Variants in ESRRG observed in about 807,000 individuals in gnomAD.
The protein encoded by ESRRG is estrogen-related receptor gamma.
In ESRRG, 13 loss-of-function variants were observed where a neutral mutation model predicts 44.0. The ratio of observed to expected loss-of-function variants is 0.30; its 90% CI spans 0.19 to 0.47. The LOEUF is 0.47. ESRRG is among the 20% of genes least tolerant of loss of function. ESRRG has a pLI of 1.00. For synonymous variants in ESRRG, 215 were observed against 214.6 expected (o/e 1.00, Z -0.02); for missense variants, 395 against 580.6 (o/e 0.68, Z 3.29).
intron 2 of ESRRG, among the ~76,000 whole-genome samples, chr1:216,831,463 T>C (rs955857462): frequency 2.8e-5 from 4 of 145,264 alleles, no homozygotes; most frequent in Non-Finnish European, 4.5e-5. Context: ...CAAAGGTTTT[T>C]CAGCCTCTCA....
intron 6 of ESRRG, among the ~76,000 whole-genome samples, chr1:216,514,763 T>C (rs1165373099): frequency 6.6e-6 from 1 of 152,172 alleles, no homozygotes. Context: ...GAAATAGTAC[T>C]GGACATGCCT....
chr1:216,862,992 G>A (rs1325881628), intron 2 of ESRRG: 2 of 152,056 alleles, frequency 1.3e-5, no homozygotes, highest in Non-Finnish European at 2.9e-5. Context: ...GAAAATATAT[G>A]TACAAAATTA....
intron 1 of ESRRG, chr1:216,707,292 G>T (rs932806909): frequency 4.5e-5 from 68 of 1,505,596 alleles, no homozygotes; most frequent in Non-Finnish European, 5.7e-5. Flanking sequence ...AAGTAACGTT[G>T]AGCATTTTAA....
intron 2 of ESRRG, among the ~76,000 whole-genome samples, chr1:216,843,710 T>A (rs181667280): frequency 6.6e-6 from 1 of 152,264 alleles, no homozygotes; most frequent in Admixed American, 6.5e-5. Context: ...GGATTACAAA[T>A]GTTAGTCCTG....
chr1:216,912,850 G>T (rs1167436363), intron 2 of ESRRG, among the ~76,000 whole-genome samples: 1 of 152,036 alleles, frequency 6.6e-6, no homozygotes, highest in Non-Finnish European at 1.5e-5. Flanking sequence ...GGCTGGGCAT[G>T]GTGGCTCATA....
chr1:216,517,742 G>A (rs1366229159), intron 6 of ESRRG, among the ~76,000 whole-genome samples: 1 of 152,134 alleles, frequency 6.6e-6, no homozygotes, highest in East Asian at 1.9e-4. Flanking sequence ...ATCTTCTGGA[G>A]AGGGAGGGCA....
chr1:216,692,308 G>A (rs566084977), intron 1 of ESRRG, among the ~76,000 whole-genome samples: 2,154 of 29,340 alleles, frequency 0.073, 31 homozygotes, highest in Middle Eastern at 0.16. Context: ...GCCTAGGCTA[G>A]TGTATGTGTG....
intron 2 of ESRRG, among the ~76,000 whole-genome samples, chr1:216,785,883 G>A (rs931846384): frequency 1.8e-4 from 27 of 152,042 alleles, no homozygotes; most frequent in African/African-American, 6.3e-4. Context: ...TTTGTCAGCC[G>A]TAGTTAAGTT....
upstream of ESRRG, among the ~76,000 whole-genome samples, chr1:216,726,333 T>A (rs1403762731): frequency 1.3e-5 from 2 of 152,256 alleles, no homozygotes; most frequent in East Asian, 1.9e-4. Flanking sequence ...TTAAAATTTT[T>A]AAAAATCCTC....
In ESRRG at chr1:216,793,876, A is replaced by T. The variant is rs552402586; in HGVS notation, c.-13-116385T>A. ...AACAGATCCAATAACCATTTTCTGA[A>T]TGAATGATCCTCTCCTTCCTGTTTT... On this transcript the variant is annotated intron_variant, in intron 2 of 7. Transcript: ENST00000359162. 3.3e-5 allele frequency among the ~76,000 whole-genome samples: 5 copies of T among 152,256 alleles called. No individual in the cohort carries two copies. The East Asian group carries it at 9.7e-4, about 29-fold the overall frequency.
intron 1 of ESRRG, among the ~76,000 whole-genome samples, chr1:217,032,475 A>C (rs1451505013): frequency 6.6e-6 from 1 of 152,302 alleles, no homozygotes; most frequent in Non-Finnish European, 1.5e-5. Context: ...CTAGACAACA[A>C]TTGTCCATAA....
intron 1 of ESRRG, among the ~76,000 whole-genome samples, chr1:217,074,911 G>A (rs2091083635): frequency 6.6e-6 from 1 of 152,172 alleles, no homozygotes; most frequent in Admixed American, 6.5e-5. Context: ...GTCCTCCTCT[G>A]TGAAGCACAC....
intron 1 of ESRRG, among the ~76,000 whole-genome samples, chr1:217,030,731 T>C (rs771937586): frequency 2.0e-5 from 3 of 152,224 alleles, no homozygotes; most frequent in Non-Finnish European, 4.4e-5. Flanking sequence ...TTGTCCAATG[T>C]GGTGGCCACT....
intron 2 of ESRRG, among the ~76,000 whole-genome samples, chr1:216,883,687 T>C (rs1270531766): frequency 6.6e-6 from 1 of 152,168 alleles, no homozygotes; most frequent in Non-Finnish European, 1.5e-5. Context: ...GAACAATTAA[T>C]TAGCTGCTGC....
chr1:216,897,670 T>C (rs2058581092), intron 2 of ESRRG, among the ~76,000 whole-genome samples: 1 of 152,150 alleles, frequency 6.6e-6, no homozygotes, highest in South Asian at 2.1e-4. Context: ...TGAAATAACC[T>C]TGTTCATCCA....
intron 2 of ESRRG, among the ~76,000 whole-genome samples, chr1:216,820,959 A>C (rs17649955): frequency 0.03 from 4,517 of 152,252 alleles, 84 homozygotes; most frequent in Middle Eastern, 0.061. Flanking sequence ...TTGTGGACTG[A>C]TCATATTTTA....
In ESRRG at chr1:217,106,598, C is replaced by T. The variant is rs2092600089; in HGVS notation, c.-230+31069G>A. On this transcript the variant is annotated intron_variant, in intron 1 of 8. Coordinates refer to the ESRRG transcript ENST00000366940. ...GTTTTGCATAAAGAACCACATGGAT[C>T]AGGAGGGATTTTCTGAAACAGAAAT... Among the ~76,000 whole-genome samples, 3 of 152,174 alleles carry T rather than the reference C, an allele frequency of 2.0e-5. No homozygotes were observed. The South Asian group carries it at 6.2e-4, about 32-fold the overall frequency.
chr1:216,825,836 A>G (rs1166566491), intron 2 of ESRRG, among the ~76,000 whole-genome samples: 1 of 152,184 alleles, frequency 6.6e-6, no homozygotes, highest in Non-Finnish European at 1.5e-5. Context: ...GCCCAGCACT[A>G]CTGAAAGATA....
chr1:217,064,985 C>T (rs1442522370), intron 1 of ESRRG, among the ~76,000 whole-genome samples: 2 of 152,082 alleles, frequency 1.3e-5, no homozygotes, highest in African/African-American at 4.8e-5. Context: ...TATAATGCCC[C>T]AAAACAAATG....
Sources: gnomAD v4.1 joint callset for allele counts (sites outside exome capture counted in the v4.1 genomes callset) on GRCh38, gnomAD v4.1.1 for gene constraint, MANE v1.5 for transcripts, NCBI Gene and HGNC (gene_info 2026-07-23, HGNC 2026-07-21) for gene names.